Variants in SGSM2 observed in about 807,000 individuals in gnomAD.
SGSM2 encodes the protein small G protein signaling modulator 2.
Under a neutral mutation model 126.6 loss-of-function variants are expected in SGSM2, and 89 were observed. The observed-to-expected ratio is 0.70, with a 90% confidence interval of 0.59 to 0.84. SGSM2 has a LOEUF of 0.84. Ranked by LOEUF, SGSM2 falls within the 40% of genes least tolerant of loss-of-function variation. SGSM2 has a pLI of 0.00. For missense variants in SGSM2, 1,404 were observed against 1,416.6 expected (o/e 0.99, Z 0.14); for synonymous variants, 614 against 574.3 (o/e 1.07, Z -0.99).
chr17:2,365,739 G>A (rs554086278), intron 11 of SGSM2, among the ~76,000 whole-genome samples: 13 of 147,778 alleles, frequency 8.8e-5, no homozygotes, highest in African/African-American at 3.3e-4. Flanking sequence ...TGGGACCAGC[G>A]CTACTTTTTT....
At position 2,364,970 on chromosome 17, in the gene SGSM2, A is replaced by G. The variant is rs2065490202; in HGVS notation, c.1074A>G (p.Gly358=). ...CGCCGCTGCATTTCCCACAGGGAGG[A>G]CACCTGCTGTCCTTTCTGTCCTGTC... ...QRPPLHFPQG[G]HLLSFLSCLE... Residue 358 remains glycine (G), a synonymous_variant, in exon 10 of 24, where the codon GGA becomes GGG. Coordinates refer to ENST00000268989, the MANE Select transcript of SGSM2 (RefSeq NM_014853.3). 6.2e-7 allele frequency: 1 copy of G among 1,613,486 alleles called. No individual in the cohort carries two copies. Among genetic ancestry groups the G allele is most frequent in the South Asian group, 1.1e-5 (1 of 91,080 alleles).
chr17:2,343,752 T>G lies in SGSM2; in HGVS notation c.133+132T>G, dbSNP rs191089926. On this transcript the variant is annotated intron_variant, in intron 2 of 23. Transcript: ENST00000268989. ...TGCAAGTCCAAATCAACCTGGAAGCTTTTGAAATCCTCTTTGGCCCCATTT... is the reference window on the plus strand; with the variant it reads ...TGCAAGTCCAAATCAACCTGGAAGCGTTTGAAATCCTCTTTGGCCCCATTT... 150 of 732,756 alleles carry G rather than the reference T, an allele frequency of 2.0e-4. 1 individual carries two copies. In the East Asian group the frequency reaches 3.7e-3, roughly 18 times the overall value. 45.4% of individuals were successfully genotyped at this position (732,756 alleles called of 1,614,324 possible).
In SGSM2 at chr17:2,352,915, C is replaced by T. The variant is rs1445777500; in HGVS notation, c.134-8722C>T. ...GCCTCAGCCTCCCGAGTAGCTGGGA[C>T]TACAGGCGTCCGCCACCACGCCCGG... is the stretch of plus-strand genomic sequence containing the variant. On this transcript the variant is annotated intron_variant, in intron 2 of 23. Coordinates refer to ENST00000268989, the MANE Select transcript of SGSM2 (RefSeq NM_014853.3). Among the ~76,000 whole-genome samples the T allele has an allele frequency of 8.5e-5, 12 of 141,910 alleles. 3 individuals carry two copies. The East Asian group carries it at 2.2e-3, about 26-fold the overall frequency. The allele number at this position is 141,910 out of a possible 152,430, so 93.1% of individuals were successfully genotyped here.
At chr17:2,371,736 C>T (rs572929083) in intron 13 of SGSM2, 98 of 397,958 alleles carry the variant, frequency 2.5e-4, no homozygotes, top group Non-Finnish European at 3.9e-4. Flanking sequence ...GCTCAGTGCC[C>T]GTGAGCTCCC....
At position 2,373,493 on chromosome 17, in the gene SGSM2, G is replaced by C. The variant is rs1382592436; in HGVS notation, c.2080G>C (p.Asp694His). The C allele has an allele frequency of 1.9e-6, 3 of 1,596,356 alleles. No homozygotes were observed. Among genetic ancestry groups the C allele is most frequent in the Admixed American group, 1.7e-5 (1 of 59,338 alleles). ...DSHVQRLIHR[D>H]STISNDVFIS... The stretch of plus-strand genomic sequence containing the variant: ...CCACGTGCAGCGCCTCATCCACCGA[G>C]ACTCCACCATCAGCAACGATGTGAG... The change falls in exon 17 of 24, where the codon GAC becomes CAC. Residue 694 changes from aspartate (D) to histidine (H), a missense_variant. Transcript: ENST00000268989.
Position 2,373,141 on chromosome 17 carries a change from G to A in SGSM2, c.1917+60G>A, listed in dbSNP as rs867285258. On this transcript the variant is annotated intron_variant, in intron 16 of 23. Coordinates refer to ENST00000268989, the MANE Select transcript of SGSM2 (RefSeq NM_014853.3). ...TGGGGAGCTGGGCCAGGGGACGCCA[G>A]GGAGGGGACCTTGGAAGCCTCAGCC... The A allele has an allele frequency of 3.8e-6, 6 of 1,597,832 alleles. No homozygotes were observed. The Middle Eastern group carries it at 8.3e-4, about 221-fold the overall frequency.
chr17:2,369,153 A>G (rs1333002261), intron 12 of SGSM2, among the ~76,000 whole-genome samples: 1 of 152,062 alleles, frequency 6.6e-6, no homozygotes, highest in Admixed American at 6.5e-5. Context: ...AGGGCTGGGG[A>G]ATGGGGGCCC....
chr17:2,343,064 A>G (rs2064448124), intron 1 of SGSM2, among the ~76,000 whole-genome samples: 1 of 152,168 alleles, frequency 6.6e-6, no homozygotes, highest in African/African-American at 2.4e-5. Context: ...TAGACCCTAG[A>G]TGGAAAGAAG....
intron 1 of SGSM2, among the ~76,000 whole-genome samples, chr17:2,342,734 T>A (rs2064428771): frequency 1.6e-5 from 2 of 128,100 alleles, no homozygotes; most frequent in African/African-American, 5.6e-5. Context: ...TCCCAGCACT[T>A]TGGGAGGCCG....
At position 2,367,593 on chromosome 17, in the gene SGSM2, G is replaced by GACAGGT. The variant is rs2065656233; in HGVS notation, c.1423+188_1423+189insACAGGT. Among the ~76,000 whole-genome samples, 2 of 152,222 alleles carry GACAGGT rather than the reference G, an allele frequency of 1.3e-5. No homozygotes were observed. The highest frequency in any genetic ancestry group is 2.9e-5 in the Non-Finnish European group (2 of 68,042). On this transcript the variant is annotated intron_variant, in intron 12 of 23. Transcript: ENST00000268989. This position sits in a 1 kb window ranked among gnomAD's most constrained non-coding sequence, Gnocchi z 4.0. ...CCAGACAGGTGCTGGCAAGAAAAGG[G>GACAGGT]GCTGGCCCAGGGCAGGTGGCTCCAG...
rs772456154 is a variant in SGSM2 at position 2,376,246 on chromosome 17, G to A, written c.2594G>A (p.Arg865Lys). 1.2e-5 allele frequency: 20 copies of A among 1,613,738 alleles called. No homozygotes were observed. Among genetic ancestry groups the A allele is most frequent in the African/African-American group, 2.7e-5 (2 of 74,924 alleles). ...ACGCCCCCCAACCTCGAGAGGCTCA[G>A]AGACGTCATGTGCAGGTGCCTTGTG... ...YFTPPNLERLRDVMCSYVWEH... is the reference protein window; with the variant it reads ...YFTPPNLERLKDVMCSYVWEH... The change falls in exon 19 of 24, where the codon AGA becomes AAA. Residue 865 changes from arginine (R) to lysine (K), a missense_variant. Coordinates refer to ENST00000268989, the MANE Select transcript of SGSM2 (RefSeq NM_014853.3).
intron 1 of SGSM2, among the ~76,000 whole-genome samples, chr17:2,339,420 GC>G (rs1216956119): frequency 2.0e-5 from 3 of 151,774 alleles, no homozygotes; most frequent in African/African-American, 7.3e-5. Context: ...GGGCGACAGA[GC>G]AACTCTCCGT....
chr17:2,351,796 GT>G (rs1335504698), intron 2 of SGSM2, among the ~76,000 whole-genome samples: 1 of 152,134 alleles, frequency 6.6e-6, no homozygotes, highest in Non-Finnish European at 1.5e-5. Context: ...CTGACCTCAA[GT>G]GACCTACCCG....
Position 2,379,507 on chromosome 17 carries a change from T to C in SGSM2, c.3143T>C (p.Ile1048Thr), listed in dbSNP as rs527971033. Residue 1048 changes from isoleucine (I) to threonine (T), a missense_variant, in exon 24 of 24, where the codon ATA (isoleucine) becomes ACA (threonine). Transcript: ENST00000268989. ...RDLVHKVQMLIENK is the reference protein window; with the variant it reads ...RDLVHKVQMLTENK ...CTCGTCCACAAGGTGCAGATGCTCATAGAGAACAAGTGAGCTGGGGCCAGG... is the reference window on the plus strand; with the variant it reads ...CTCGTCCACAAGGTGCAGATGCTCACAGAGAACAAGTGAGCTGGGGCCAGG... 2.5e-6 allele frequency: 4 copies of C among 1,612,700 alleles called. No homozygotes were observed. The highest frequency in any genetic ancestry group is 2.2e-5 in the South Asian group (2 of 91,026).
chr17:2,363,538 C>G lies in SGSM2; in HGVS notation c.746C>G (p.Ser249Cys). The part of the protein sequence containing the change: ...LAACARECVE[S>C]LHQNSRTRLL... ...GCCTGTGCCCGCGAGTGTGTGGAGT[C>G]CCTGCACCAGAACTCACGGACGCGG... Residue 249 changes from serine (S) to cysteine (C), a missense_variant, in exon 7 of 24, where the codon TCC becomes TGC. Physicochemically the swap from Ser to Cys is moderately radical, Grantham distance 112 (BLOSUM62 -1). Coordinates refer to ENST00000268989, the MANE Select transcript of SGSM2 (RefSeq NM_014853.3). This position sits in a 1 kb window ranked among gnomAD's most constrained non-coding sequence, Gnocchi z 4.2. The G allele has an allele frequency of 1.2e-6, 2 of 1,613,568 alleles. No homozygotes were observed. The highest frequency in any genetic ancestry group is 1.7e-6 in the Non-Finnish European group (2 of 1,179,976).
chr17:2,360,759 A>T (rs911174064), intron 2 of SGSM2, among the ~76,000 whole-genome samples: 1 of 152,156 alleles, frequency 6.6e-6, no homozygotes, highest in Non-Finnish European at 1.5e-5. Flanking sequence ...TTCTCCCCTC[A>T]GTGTCCCTGC....
rs17853890 is a variant in SGSM2 at position 2,376,151 on chromosome 17, C to T, written c.2499C>T (p.Asp833=). The T allele has an allele frequency of 3.1e-6, 5 of 1,613,982 alleles. No individual in the cohort carries two copies. In the East Asian group the frequency reaches 6.7e-5, roughly 22 times the overall value. ...CAAAYTIELL[D]TVALNLHRID... ...CACTCTTCCAGATAGAATTACTGGA[C>T]ACTGTGGCCTTAAACCTGCACCGCA... The change falls in exon 19 of 24, where the codon GAC becomes GAT. Residue 833 remains aspartate, a synonymous_variant. Transcript: ENST00000268989.
chr17:2,363,971 T>C lies in SGSM2; in HGVS notation c.808-88T>C. The stretch of plus-strand genomic sequence containing the variant: ...GTGACTAGCCTAGCTTGGCCTCCCC[T>C]CCTCCCAGCGGGAGCTCATTTCTCA... On this transcript the variant is annotated intron_variant, in intron 7 of 23. Coordinates refer to ENST00000268989, the MANE Select transcript of SGSM2 (RefSeq NM_014853.3). The surrounding 1 kb of genome is among the most constrained non-coding windows in gnomAD (Gnocchi z 4.2). 6.4e-7 allele frequency: 1 copy of C among 1,559,740 alleles called. No individual in the cohort carries two copies. Among genetic ancestry groups the C allele is most frequent in the Non-Finnish European group, 8.8e-7 (1 of 1,135,474 alleles).
chr17:2,361,228 C>T (rs1425610245), intron 2 of SGSM2, among the ~76,000 whole-genome samples: 1 of 152,228 alleles, frequency 6.6e-6, no homozygotes, highest in East Asian at 1.9e-4. Flanking sequence ...CCTGCAGAGC[C>T]CTGTTCCTTA....
Sources: allele counts gnomAD v4.1 joint callset (sites outside exome capture counted in the v4.1 genomes callset), GRCh38; gene constraint gnomAD v4.1.1; non-coding constraint Gnocchi (gnomAD v3.1); transcripts MANE v1.5; gene names NCBI Gene and HGNC (gene_info 2026-07-23, HGNC 2026-07-21).